Variants in SYNPR observed in about 807,000 individuals in gnomAD.
SYNPR encodes synaptoporin.
In SYNPR, 23 loss-of-function variants were observed where a neutral mutation model predicts 32.9. The ratio of observed to expected loss-of-function variants is 0.70; its 90% CI spans 0.50 to 0.99. The LOEUF is 0.99. Among genes scored for constraint, SYNPR ranks in the 50% least tolerant of loss-of-function variants. SYNPR has a pLI of 0.00. For synonymous variants in SYNPR, 146 were observed against 135.9 expected, an observed-to-expected ratio of 1.07 and a Z score of -0.52; for missense variants, 318 against 349.3, an observed-to-expected ratio of 0.91 and a Z score of 0.71.
At chr3:63,297,435 A>G (rs1415279441) in intron 2 of SYNPR, among the ~76,000 whole-genome samples, 1 of 152,208 alleles carries the variant, frequency 6.6e-6, no homozygotes, top group East Asian at 1.9e-4. Context: ...CTCTGATAGG[A>G]AGCAAAATGA....
chr3:63,217,681 C>T, the SYNPR span, among the ~76,000 whole-genome samples: 2 of 151,766 alleles, frequency 1.3e-5, no homozygotes, highest in East Asian at 3.9e-4. Context: ...GCGTCGCTCA[C>T]GCTGGGAGCT....
upstream of SYNPR, among the ~76,000 whole-genome samples, chr3:63,224,354 C>T (rs1304225099): frequency 6.6e-6 from 1 of 152,138 alleles, no homozygotes; most frequent in Non-Finnish European, 1.5e-5. Flanking sequence ...CAAAGCCATC[C>T]ACCCCCTCAT....
At chr3:63,527,156 G>A (rs1417875681) in intron 3 of SYNPR, among the ~76,000 whole-genome samples, 1 of 152,120 alleles carries the variant, frequency 6.6e-6, no homozygotes, top group East Asian at 1.9e-4. Flanking sequence ...AACCCAGGCG[G>A]AATAGTAGCA....
chr3:63,417,624 C>T (rs1039366277), intron 2 of SYNPR, among the ~76,000 whole-genome samples: 1 of 152,244 alleles, frequency 6.6e-6, no homozygotes, highest in Non-Finnish European at 1.5e-5. Context: ...GACATCCAGG[C>T]ATTTCCATAC....
chr3:63,606,588 G>C (rs59923617), intron 4 of SYNPR, among the ~76,000 whole-genome samples: 67,444 of 150,766 alleles, frequency 0.45, 15,149 homozygotes, highest in Middle Eastern at 0.54. Context: ...GCCCCACCAT[G>C]TCCAGCTAAA....
chr3:63,430,760 A>G (rs188969076), intron 2 of SYNPR, among the ~76,000 whole-genome samples: 33 of 152,246 alleles, frequency 2.2e-4, no homozygotes, highest in Middle Eastern at 3.4e-3. Flanking sequence ...ATTTTTGCTT[A>G]GCTCCATTTT....
intron 2 of SYNPR, among the ~76,000 whole-genome samples, chr3:63,304,354 T>TTG (rs34570930): frequency 0.049 from 7,150 of 146,548 alleles, 355 homozygotes; most frequent in African/African-American, 0.13. Context: ...GTGTGTGTGT[T>TTG]TGTGTGTGTG....
intron 2 of SYNPR, among the ~76,000 whole-genome samples, chr3:63,447,963 A>G (rs984878966): frequency 1.3e-5 from 2 of 151,810 alleles, no homozygotes; most frequent in Admixed American, 1.3e-4. Flanking sequence ...TTCTACTGGT[A>G]TTCCCCAGGG....
At chr3:63,309,783 T>C (rs2086944443) in intron 2 of SYNPR, among the ~76,000 whole-genome samples, 1 of 152,008 alleles carries the variant, frequency 6.6e-6, no homozygotes, top group Non-Finnish European at 1.5e-5. Context: ...AAGCACCCTC[T>C]ACACTGCTTA....
At chr3:63,431,882 C>T (rs77127663) in intron 2 of SYNPR, among the ~76,000 whole-genome samples, 3,480 of 151,388 alleles carry the variant, frequency 0.023, 52 homozygotes, top group Non-Finnish European at 0.04. Context: ...TTTCCAAAGC[C>T]CCTGTATGCA....
intron 4 of SYNPR, among the ~76,000 whole-genome samples, chr3:63,573,267 A>T (rs966652457): frequency 6.6e-6 from 1 of 152,190 alleles, no homozygotes; most frequent in Non-Finnish European, 1.5e-5. Flanking sequence ...AGAACATCAT[A>T]GTGGACAACG....
chr3:63,406,927 G>A (rs1349900163), intron 2 of SYNPR, among the ~76,000 whole-genome samples: 2 of 152,106 alleles, frequency 1.3e-5, no homozygotes, highest in African/African-American at 4.8e-5. Flanking sequence ...GCCACAGATC[G>A]GTCCATGTTG....
chr3:63,235,424 A>C (rs891433710), intron 1 of SYNPR, among the ~76,000 whole-genome samples: 1 of 152,196 alleles, frequency 6.6e-6, no homozygotes, highest in African/African-American at 2.4e-5. Flanking sequence ...CCACATCCAT[A>C]CTATATCTTC....
chr3:63,328,479 C>A (rs1373394353), intron 2 of SYNPR, among the ~76,000 whole-genome samples: 3 of 152,134 alleles, frequency 2.0e-5, no homozygotes, highest in African/African-American at 7.2e-5. Context: ...GTGCTCCAGG[C>A]CCCAGTTCCC....
At chr3:63,362,424 G>A (rs530594512) in intron 2 of SYNPR, among the ~76,000 whole-genome samples, 1 of 151,992 alleles carries the variant, frequency 6.6e-6, no homozygotes, top group Admixed American at 6.6e-5. Context: ...ACCATGTTAG[G>A]AAACAGGTTT....
Position 63,248,122 on chromosome 3 carries a change from G to C in SYNPR, n.67-4377G>C, listed in dbSNP as rs1055644344. The stretch of plus-strand genomic sequence containing the variant: ...TTAAGTAGCAGTTCCAGAAAGGTCT[G>C]TTCCAAGAAATGCCACAGCTTGTAT... On this transcript the variant is annotated intron_variant and non_coding_transcript_variant, in intron 1 of 4. Transcript: ENST00000478456. Among the ~76,000 whole-genome samples, 11 of 152,226 alleles carry C rather than the reference G, an allele frequency of 7.2e-5. No homozygotes were observed. In the South Asian group the frequency reaches 2.3e-3, roughly 32 times the overall value.
At position 63,278,473 on chromosome 3, in the gene SYNPR, G is replaced by A. The variant is rs955298899; in HGVS notation, c.-61G>A. 8 of 1,526,320 alleles carry A rather than the reference G, an allele frequency of 5.2e-6. No homozygotes were observed. The African/African-American group carries it at 9.7e-5, about 18-fold the overall frequency. The allele number at this position is 1,526,320 out of a possible 1,614,324, so 94.5% of individuals were successfully genotyped here. A position where few individuals can be genotyped will look rare whatever the true frequency, so the allele number is the denominator to read the frequency against. On this transcript the variant is annotated 5_prime_UTR_variant, in exon 1 of 6. Coordinates refer to ENST00000478300, the MANE Select transcript of SYNPR (RefSeq NM_001130003.2). ...GGCTTCTGGCCCTGAGGACGGTGGT[G>A]CCAAGCGAACTTCATTTTTAAAAAG...
At chr3:63,415,619 C>T (rs368126592) in intron 2 of SYNPR, among the ~76,000 whole-genome samples, 56 of 152,270 alleles carry the variant, frequency 3.7e-4, no homozygotes, top group East Asian at 1.2e-3. Context: ...CAAATCAACG[C>T]GGCTGTTTTC....
intron 2 of SYNPR, among the ~76,000 whole-genome samples, chr3:63,349,834 C>T (rs968637531): frequency 5.3e-5 from 8 of 152,128 alleles, no homozygotes; most frequent in Admixed American, 1.3e-4. Flanking sequence ...ACCAGACTGC[C>T]GTTTTGAACT....
Sources: allele counts gnomAD v4.1 joint callset (sites outside exome capture counted in the v4.1 genomes callset), GRCh38; gene constraint gnomAD v4.1.1; transcripts MANE v1.5; gene names NCBI Gene and HGNC (gene_info 2026-07-23, HGNC 2026-07-21).